The following NDUFA3 variants were observed in gnomAD, a reference collection of about 807,000 sequenced individuals.
The protein encoded by NDUFA3 is NADH:ubiquinone oxidoreductase subunit A3.
A neutral mutation model predicts 11.4 loss-of-function variants in NDUFA3; 10 were observed. That is an observed-to-expected ratio of 0.87 (90% CI 0.54 to 1.48). NDUFA3 has a LOEUF of 1.48. Ranked by LOEUF, NDUFA3 falls within the 40% of genes most tolerant of loss-of-function variation. The probability of loss-of-function intolerance (pLI) is 0.00; values close to 1 mark genes in which losing one functional copy is unlikely to be tolerated. For missense variants in NDUFA3, 115 were observed against 110.5 expected (o/e 1.04, Z -0.18); for synonymous variants, 39 against 46.9 (o/e 0.83, Z 0.68).
chr19:54,106,386 G>T, intron 3 of NDUFA3: 1 of 336,672 alleles, frequency 3.0e-6, no homozygotes, highest in South Asian at 3.3e-5. Context: ...AGCCAGGATT[G>T]TCTCGATCTC....
chr19:54,106,947 A>C lies in NDUFA3; in HGVS notation c.*45A>C, dbSNP rs774799216. 2.5e-6 allele frequency: 4 copies of C among 1,600,836 alleles called. No homozygotes were observed. In the Admixed American group the frequency reaches 7.0e-5, roughly 28 times the overall value. On this transcript the variant is annotated 3_prime_UTR_variant, in exon 4 of 4. Transcript: ENST00000485876. ...CGGCCCCTCCCACGGCTCCCAATAA[A>C]AATGTGAAAACCAACCCCCGAACGT...
chr19:54,105,845 C>A (rs368773794), intron 2 of NDUFA3, 89 bp from the exon 3 acceptor site: 2 of 1,196,108 alleles, frequency 1.7e-6, no homozygotes, highest in South Asian at 1.2e-5. Flanking sequence ...CCCCTGCGCA[C>A]TTTATCTTCC....
At chr19:54,103,991 G>A (rs1473423886) in intron 2 of NDUFA3, among the ~76,000 whole-genome samples, 2 of 151,964 alleles carry the variant, frequency 1.3e-5, no homozygotes, top group African/African-American at 4.8e-5. Flanking sequence ...CCGCCCCCAT[G>A]CCCGGCTAAT....
intron 3 of NDUFA3, chr19:54,106,549 T>C (rs2073266227): frequency 2.2e-6 from 1 of 453,192 alleles, no homozygotes; most frequent in Non-Finnish European, 3.9e-6. Flanking sequence ...GGTCTCCATC[T>C]TCTCAGGTTT....
rs754951572 is a variant in NDUFA3 at position 54,103,182 on chromosome 19, G to C, written c.79G>C (p.Gly27Arg). Residue 27 changes from glycine to arginine, a missense_variant, in exon 2 of 4, where the codon GGC (glycine) becomes CGC (arginine). Gly to Arg is a moderately radical substitution (Grantham distance 125). Transcript: ENST00000485876. ...PVLVVSFVVG[G>R]LAVILPPLSP... ...GCTGGTCGTGTCCTTCGTCGTCGGG[G>C]GCCTCGGTGCGTGAGTGCTCCAGGC... The C allele has an allele frequency of 6.3e-7, 1 of 1,597,156 alleles. No individual in the cohort carries two copies. Among genetic ancestry groups the C allele is most frequent in the Non-Finnish European group, 8.6e-7 (1 of 1,168,986 alleles).
rs587640804 is a variant in NDUFA3, at chr19:54,105,996, C to A, written c.148C>A (p.Pro50Thr). The A allele has an allele frequency of 3.0e-4, 488 of 1,613,484 alleles. 1 individual carries two copies. In the South Asian group the frequency reaches 5.0e-3, roughly 17 times the overall value. ...KYSVMINKAT[P>T]YNYPVPVRDD... ...CTCCGTCATGATCAACAAGGCCACG[C>A]CCTACAACTACCCAGGTGAGTGGGG... Residue 50 changes from proline (P) to threonine (T), a missense_variant, in exon 3 of 4, where the codon CCC becomes ACC. Pro to Thr is a conservative substitution (Grantham distance 38). Transcript: ENST00000485876.
chr19:54,102,897 A>C lies in NDUFA3; in HGVS notation c.10+9A>C. 1.2e-6 allele frequency: 2 copies of C among 1,609,980 alleles called. No homozygotes were observed. Among genetic ancestry groups the C allele is most frequent in the South Asian group, 1.1e-5 (1 of 90,628 alleles). On this transcript the variant is annotated intron_variant, in intron 1 of 3. Transcript: ENST00000485876. Reference sequence around the variant, plus strand: ...GACAAAGATGGCTGCGAGTAAGTGCAGGTGCCGGTGGCGCACGGGGCTCGG... The same window carrying C: ...GACAAAGATGGCTGCGAGTAAGTGCCGGTGCCGGTGGCGCACGGGGCTCGG...
At chr19:54,103,007 A>G in intron 1 of NDUFA3, 107 bp from the exon 2 acceptor site, 2 of 1,536,428 alleles carry the variant, frequency 1.3e-6, no homozygotes, top group Non-Finnish European at 1.8e-6. Context: ...CTGGAGGGGA[A>G]CGCAGAAGTC....
At chr19:54,105,524 C>T (rs923370332) in intron 2 of NDUFA3, 9 of 364,440 alleles carry the variant, frequency 2.5e-5, no homozygotes, top group Middle Eastern at 3.8e-4. Context: ...CCACATTGGC[C>T]GCCCAAAGTG....
In NDUFA3 at chr19:54,106,970, C is replaced by T. The variant is rs2073282641; in HGVS notation, c.*68C>T. 11 of 1,601,988 alleles carry T rather than the reference C, an allele frequency of 6.9e-6. No individual in the cohort carries two copies. The highest frequency in any genetic ancestry group is 9.4e-6 in the Non-Finnish European group (11 of 1,172,690). ...AAAAATGTGAAAACCAACCCCCGAA[C>T]GTGAGCATGTGTGTGATCAGAGGTG... is the stretch of plus-strand genomic sequence containing the variant. On this transcript the variant is annotated 3_prime_UTR_variant, in exon 4 of 4. Coordinates refer to ENST00000485876, the MANE Select transcript of NDUFA3 (RefSeq NM_004542.4).
intron 2 of NDUFA3, chr19:54,105,667 C>G (rs2073235705): frequency 2.9e-6 from 2 of 681,816 alleles, no homozygotes; most frequent in African/African-American, 3.5e-5. Context: ...ATTCCATGAC[C>G]AACCCCACTG....
At chr19:54,105,236 G>A (rs1408974530) in intron 2 of NDUFA3, among the ~76,000 whole-genome samples, 3 of 134,026 alleles carry the variant, frequency 2.2e-5, no homozygotes, top group Non-Finnish European at 3.2e-5. Context: ...TGTTGTTTGT[G>A]CAACCCTTTC....
At chr19:54,103,249 A>G (rs2073145550) in intron 2 of NDUFA3, 61 bp downstream of exon 2, 7 of 1,496,632 alleles carry the variant, frequency 4.7e-6, no homozygotes, top group African/African-American at 1.4e-5. Context: ...ACATCCCTCC[A>G]TCTTGTACCC....
rs1257764330 is a variant in NDUFA3 at position 54,106,997 on chromosome 19, G to A, written c.*95G>A. The A allele has an allele frequency of 3.7e-6, 6 of 1,605,682 alleles. No individual in the cohort carries two copies. In the Admixed American group the frequency reaches 1.0e-4, roughly 27 times the overall value. Reference sequence around the variant, plus strand: ...TGAGCATGTGTGTGATCAGAGGTGGGAACAAGTAGACGGTGGCCGGGGTGA... The same window carrying A: ...TGAGCATGTGTGTGATCAGAGGTGGAAACAAGTAGACGGTGGCCGGGGTGA... On this transcript the variant is annotated 3_prime_UTR_variant, in exon 4 of 4. Coordinates refer to ENST00000485876, the MANE Select transcript of NDUFA3 (RefSeq NM_004542.4).
At position 54,106,828 on chromosome 19, in the gene NDUFA3, G is replaced by A. The variant is rs587775895; in HGVS notation, c.181G>A (p.Gly61Arg). ...CCCCACAGTGCCCGTCCGTGATGAT[G>A]GGAACATGCCCGACGTGCCCAGCCA... Reference protein sequence around the residue: ...YNYPVPVRDDGNMPDVPSHPQ... With the variant: ...YNYPVPVRDDRNMPDVPSHPQ... Residue 61 changes from glycine (G) to arginine (R), a missense_variant, in exon 4 of 4, where the codon GGG becomes AGG. Gly to Arg is a moderately radical substitution (Grantham distance 125). Coordinates refer to ENST00000485876, the MANE Select transcript of NDUFA3 (RefSeq NM_004542.4). 3.3e-5 allele frequency: 53 copies of A among 1,613,338 alleles called. No individual in the cohort carries two copies. The Admixed American group carries it at 7.2e-4, about 22-fold the overall frequency.
In NDUFA3 at chr19:54,105,264, C is replaced by CCTTTTTTTTTTTTTT. The variant is rs1316415018; in HGVS notation, c.86-670_86-669insCTTTTTTTTTTTTTT. 3.2e-4 allele frequency among the ~76,000 whole-genome samples: 23 copies of CCTTTTTTTTTTTTTT among 71,262 alleles called. 3 individuals are homozygous for CCTTTTTTTTTTTTTT. The highest frequency in any genetic ancestry group is 5.4e-4 in the African/African-American group (9 of 16,568). The allele number at this position is 71,262 out of a possible 152,430, so 46.8% of individuals were successfully genotyped here. A position where few individuals can be genotyped will look rare whatever the true frequency, so the allele number is the denominator to read the frequency against. On this transcript the variant is annotated intron_variant, in intron 2 of 3. Coordinates refer to ENST00000485876, the MANE Select transcript of NDUFA3 (RefSeq NM_004542.4). ...ACCCTTTCTCCTCCAGTTTGTAAGGCTTTTTTTTTTTTTTTTTTTTTGGTG... is the reference window on the plus strand; with the variant it reads ...ACCCTTTCTCCTCCAGTTTGTAAGGCCTTTTTTTTTTTTTTTTTTTTTTTTTTTTTTTTTTTGGTG...
In NDUFA3 at chr19:54,106,018, G is replaced by C. The variant is rs761931254; in HGVS notation, c.163+7G>C. The C allele has an allele frequency of 6.2e-7, 1 of 1,610,774 alleles. No homozygotes were observed. The highest frequency in any genetic ancestry group is 1.1e-5 in the South Asian group (1 of 91,004). On this transcript the variant is annotated splice_region_variant and intron_variant, in intron 3 of 3. Coordinates refer to ENST00000485876, the MANE Select transcript of NDUFA3 (RefSeq NM_004542.4). ...ACGCCCTACAACTACCCAGGTGAGT[G>C]GGGGCCAGGCAGGGATCCCCGGAAT... is the stretch of plus-strand genomic sequence containing the variant.
chr19:54,103,091 G>A (rs780183219), intron 1 of NDUFA3, 23 bp from the exon 2 acceptor site: 1 of 1,610,294 alleles, frequency 6.2e-7, no homozygotes, highest in South Asian at 1.1e-5. Flanking sequence ...TTGCAGGGGT[G>A]ACGCTTCTTG....
intron 2 of NDUFA3, 76 bp from the exon 3 acceptor site, chr19:54,105,858 T>C: frequency 7.6e-7 from 1 of 1,319,878 alleles, no homozygotes; most frequent in Non-Finnish European, 1.1e-6. Flanking sequence ...TATCTTCCCT[T>C]TGCCAAGGCT....
Sources: gnomAD v4.1 joint callset for allele counts (sites outside exome capture counted in the v4.1 genomes callset) on GRCh38, gnomAD v4.1.1 for gene constraint, MANE v1.5 for transcripts, NCBI Gene and HGNC (gene_info 2026-07-23, HGNC 2026-07-21) for gene names.